CDC14B: variants seen among roughly 807,000 people sequenced by gnomAD.
CDC14B encodes dual specificity protein phosphatase CDC14B.
In CDC14B, 22 loss-of-function variants were observed where a neutral mutation model predicts 64.2. The ratio of observed to expected loss-of-function variants is 0.34; its 90% confidence interval spans 0.24 to 0.49. The LOEUF (loss-of-function observed/expected upper bound fraction) is 0.49, where lower values mean the gene tolerates loss of function less well. CDC14B is among the 20% of genes least tolerant of loss of function. CDC14B has a pLI of 0.99. For missense variants in CDC14B, 498 were observed against 629.9 expected, an observed-to-expected ratio of 0.79 and a Z score of 2.24; for synonymous variants, 191 against 215.8, an observed-to-expected ratio of 0.89 and a Z score of 1.01.
chr9:96,555,547 A>G (rs1587949316), intron 4 of CDC14B, among the ~76,000 whole-genome samples: 1 of 152,370 alleles, frequency 6.6e-6, no homozygotes, highest in East Asian at 1.9e-4. Context: ...GTTTTGCAGT[A>G]ATTTGCTGGG....
chr9:96,610,938 G>A (rs1847274753), intron 1 of CDC14B, among the ~76,000 whole-genome samples: 1 of 152,066 alleles, frequency 6.6e-6, no homozygotes, highest in Non-Finnish European at 1.5e-5. Flanking sequence ...AACTGAATCT[G>A]CTACCTAAGA....
chr9:96,524,733 G>T (rs1280961070), intron 9 of CDC14B, among the ~76,000 whole-genome samples: 1 of 152,112 alleles, frequency 6.6e-6, no homozygotes, highest in African/African-American at 2.4e-5. Context: ...ACTGCCTTTG[G>T]CTTTCATCTG....
At chr9:96,527,397 TCAAAAA>T (rs1474498170) in intron 9 of CDC14B, among the ~76,000 whole-genome samples, 1 of 152,238 alleles carries the variant, frequency 6.6e-6, no homozygotes, top group East Asian at 1.9e-4. Flanking sequence ...AGACTCCGTC[TCAAAAA>T]CAAAAACAAA....
chr9:96,562,316 G>A (rs1351896200), intron 4 of CDC14B, among the ~76,000 whole-genome samples: 1 of 152,166 alleles, frequency 6.6e-6, no homozygotes, highest in African/African-American at 2.4e-5. Flanking sequence ...CCTGACCCCA[G>A]TAAGATGATT....
At chr9:96,604,056 T>C (rs530341953) in intron 1 of CDC14B, among the ~76,000 whole-genome samples, 3 of 151,876 alleles carry the variant, frequency 2.0e-5, no homozygotes, top group Admixed American at 1.3e-4. Flanking sequence ...GGACGAGGAG[T>C]TCCTGGAAAT....
At chr9:96,578,617 T>C (rs1790881263) in intron 1 of CDC14B, among the ~76,000 whole-genome samples, 3 of 152,162 alleles carry the variant, frequency 2.0e-5, no homozygotes, top group East Asian at 1.9e-4. Flanking sequence ...TTCTACAAAA[T>C]AGCTGACCCA....
chr9:96,545,274 GT>G (rs1053259772), intron 5 of CDC14B, among the ~76,000 whole-genome samples: 47 of 151,790 alleles, frequency 3.1e-4, no homozygotes, highest in Non-Finnish European at 4.9e-4. Context: ...AAACCCTCAA[GT>G]TGGATCCCAA....
chr9:96,586,970 C>A (rs1036602771), intron 1 of CDC14B, among the ~76,000 whole-genome samples: 1 of 151,940 alleles, frequency 6.6e-6, no homozygotes, highest in Non-Finnish European at 1.5e-5. Flanking sequence ...GTCAGGATTT[C>A]GAGACTAGCC....
intron 1 of CDC14B, among the ~76,000 whole-genome samples, chr9:96,598,778 T>C (rs944814109): frequency 5.9e-5 from 9 of 152,252 alleles, no homozygotes; most frequent in Non-Finnish European, 1.2e-4. Context: ...CACATCTGTA[T>C]ATATGTGAAA....
chr9:96,503,855 G>A (rs972115106), intron 13 of CDC14B, 66 bp from the exon 14 acceptor site: 8 of 1,228,710 alleles, frequency 6.5e-6, no homozygotes, highest in South Asian at 2.5e-5. Flanking sequence ...AGTTATCAAA[G>A]ACAAGGAGGG....
rs560504619 is a variant in CDC14B at position 96,613,528 on chromosome 9, G to T, written c.160+5691C>A. ...GAAACTGTCAAACTGTTGCCTCCAC[G>T]TGGTGTTGGAGTGCCTGAGGAATTA... On this transcript the variant is annotated intron_variant, in intron 1 of 13. Transcript: ENST00000375241. 1.6e-4 allele frequency among the ~76,000 whole-genome samples: 24 copies of T among 152,304 alleles called. No individual in the cohort carries two copies. The South Asian group carries it at 4.3e-3, about 28-fold the overall frequency.
At chr9:96,551,040 T>A (rs1283252251) in intron 5 of CDC14B, among the ~76,000 whole-genome samples, 1 of 151,402 alleles carries the variant, frequency 6.6e-6, no homozygotes, top group Non-Finnish European at 1.5e-5. Context: ...GGAACCACAC[T>A]CCTCAGTGGT....
At chr9:96,613,749 T>C (rs926477030) in intron 1 of CDC14B, among the ~76,000 whole-genome samples, 4 of 152,234 alleles carry the variant, frequency 2.6e-5, no homozygotes, top group African/African-American at 7.2e-5. Flanking sequence ...GATAATCTAC[T>C]ATAACACAAA....
chr9:96,496,223 A>G (rs1318536539), downstream of CDC14B: 13 of 466,156 alleles, frequency 2.8e-5, no homozygotes, highest in South Asian at 1.4e-4. Context: ...AGAGGCTTCA[A>G]TTGCACCTGG....
chr9:96,548,797 T>C (rs1841366959), intron 5 of CDC14B, among the ~76,000 whole-genome samples: 1 of 150,506 alleles, frequency 6.6e-6, no homozygotes, highest in South Asian at 2.1e-4. Context: ...CAAGAATCTG[T>C]CTTTAAAAAA....
At chr9:96,533,179 G>C (rs970058945) in intron 9 of CDC14B, among the ~76,000 whole-genome samples, 15 of 152,294 alleles carry the variant, frequency 9.8e-5, no homozygotes, top group African/African-American at 3.6e-4. Context: ...ATTTTGGCCA[G>C]GCTGGTCTCA....
chr9:96,514,343 G>A, intron 12 of CDC14B: 2 of 767,386 alleles, frequency 2.6e-6, no homozygotes, highest in Non-Finnish European at 3.2e-6. Context: ...ATGCTCTTGA[G>A]TCAGAATATG....
chr9:96,537,857 G>A (rs1197769472), intron 7 of CDC14B, among the ~76,000 whole-genome samples: 1 of 151,848 alleles, frequency 6.6e-6, no homozygotes, highest in Non-Finnish European at 1.5e-5. Context: ...TGAGTAGCTG[G>A]GACTACAGGC....
chr9:96,555,435 C>T (rs777511729), intron 4 of CDC14B, among the ~76,000 whole-genome samples: 4 of 152,292 alleles, frequency 2.6e-5, no homozygotes, highest in South Asian at 4.1e-4. Flanking sequence ...AGCCCAGACA[C>T]GGTACAGAAC....
Sources: allele counts gnomAD v4.1 joint callset (sites outside exome capture counted in the v4.1 genomes callset), GRCh38; gene constraint gnomAD v4.1.1; transcripts MANE v1.5; gene names NCBI Gene and HGNC (gene_info 2026-07-23, HGNC 2026-07-21).